Variants in ZNF717 observed in about 807,000 individuals in gnomAD.
The protein encoded by ZNF717 is zinc finger protein 717, also known as krueppel-like factor X17.
In ZNF717, 9 loss-of-function variants were observed where a neutral mutation model predicts 13.8. The ratio of observed to expected loss-of-function variants is 0.65; its 90% CI spans 0.39 to 1.14. ZNF717 has a LOEUF of 1.14. Among genes scored for constraint, ZNF717 ranks in the 50% most tolerant of loss-of-function variants. ZNF717 has a pLI of 0.01. For synonymous variants in ZNF717, 327 were observed against 364.1 expected (o/e 0.90, Z 1.16); for missense variants, 1,040 against 1,080.7 (o/e 0.96, Z 0.53).
intron 6 of ZNF717, among the ~76,000 whole-genome samples, chr3:75,700,252 G>A (rs1937662768): frequency 6.6e-6 from 1 of 152,310 alleles, no homozygotes; most frequent in East Asian, 1.9e-4. Context: ...AAATTAGCCG[G>A]GTGTGGTGGC....
chr3:75,758,622 C>G (rs1215621185), intron 2 of ZNF717, among the ~76,000 whole-genome samples: 1 of 152,266 alleles, frequency 6.6e-6, no homozygotes. Flanking sequence ...ATTGACACAG[C>G]AAACTTCAAT....
chr3:75,746,679 T>C (rs1411292813), intron 2 of ZNF717, among the ~76,000 whole-genome samples: 1 of 152,242 alleles, frequency 6.6e-6, no homozygotes, highest in Non-Finnish European at 1.5e-5. Flanking sequence ...ATAAATGACT[T>C]CTTTTGAGAA....
chr3:75,713,609 T>C (rs2106841782), intron 5 of ZNF717, among the ~76,000 whole-genome samples: 1 of 152,264 alleles, frequency 6.6e-6, no homozygotes, highest in Admixed American at 6.5e-5. Context: ...CCATATAACA[T>C]ATCCACATAA....
Position 75,785,447 on chromosome 3 carries a change from C to T in ZNF717, c.-66G>A, listed in dbSNP as rs998172326. ...CGTCTGCTCCCACAACTGGGGAACA[C>T]TGGTCCGGCCCCCCGGGATCCCCCG... On this transcript the variant is annotated 5_prime_UTR_variant, in exon 1 of 5. It adds an upstream start codon to the 5' untranslated region. Coordinates refer to ENST00000652011, the MANE Select transcript of ZNF717 (RefSeq NM_001290208.3). 6.6e-6 allele frequency: 1 copy of T among 151,414 alleles called. No homozygotes were observed. The highest frequency in any genetic ancestry group is 1.5e-5 in the Non-Finnish European group (1 of 68,442). 9.4% of individuals were successfully genotyped at this position (151,414 alleles called of 1,614,324 possible).
downstream of ZNF717, among the ~76,000 whole-genome samples, chr3:75,727,851 G>A (rs1422648118): frequency 6.6e-6 from 1 of 152,176 alleles, no homozygotes; most frequent in Non-Finnish European, 1.5e-5. Context: ...AATAAAAACT[G>A]GCTGGTTTTG....
intron 2 of ZNF717, among the ~76,000 whole-genome samples, chr3:75,757,427 G>A (rs1942588449): frequency 6.6e-6 from 1 of 152,238 alleles, no homozygotes; most frequent in South Asian, 2.1e-4. Context: ...AAGCCTGGAT[G>A]ACAGACTATC....
chr3:75,709,998 G>A (rs1217093023), exon 6 of ZNF717: 2 of 152,118 alleles, frequency 1.3e-5, no homozygotes, highest in African/African-American at 4.8e-5. Context: ...GAGCAACAAG[G>A]GAAATTTGAA....
intron 4 of ZNF717, 81 bp downstream of exon 4, chr3:75,741,195 G>A (rs1940379932): frequency 2.4e-6 from 2 of 819,878 alleles, no homozygotes; most frequent in Non-Finnish European, 4.1e-6. Context: ...AGGGAAAAAA[G>A]TGGTGAAAAC....
intron 2 of ZNF717, among the ~76,000 whole-genome samples, chr3:75,755,546 TAAAG>T (rs1942396175): frequency 6.6e-6 from 1 of 151,764 alleles, no homozygotes; most frequent in African/African-American, 2.4e-5. Flanking sequence ...ACAAGTGAAA[TAAAG>T]AATAATAATA....
chr3:75,755,299 T>C (rs989635142), intron 2 of ZNF717, among the ~76,000 whole-genome samples: 6 of 152,276 alleles, frequency 3.9e-5, no homozygotes, highest in African/African-American at 1.4e-4. Context: ...TAAAAACTTA[T>C]GTATTTATTC....
intron 2 of ZNF717, among the ~76,000 whole-genome samples, chr3:75,745,714 A>G (rs765474571): frequency 2.6e-5 from 4 of 151,886 alleles, no homozygotes; most frequent in African/African-American, 9.7e-5. Flanking sequence ...ATGTCATGAT[A>G]TATTTGTCTT....
At chr3:75,715,855 G>A (rs1285937935) in intron 5 of ZNF717, among the ~76,000 whole-genome samples, 1 of 152,094 alleles carries the variant, frequency 6.6e-6, no homozygotes, top group African/African-American at 2.4e-5. Context: ...AATTTTCCTT[G>A]ATGTAATTTT....
chr3:75,754,320 T>C (rs3887345), intron 2 of ZNF717, among the ~76,000 whole-genome samples: 99,281 of 146,920 alleles, frequency 0.68, 32,001 homozygotes, highest in African/African-American at 0.81. Flanking sequence ...CCTGGAATTA[T>C]GGGGAAAAAA....
intron 2 of ZNF717, among the ~76,000 whole-genome samples, chr3:75,767,272 C>CACACTCCTA (rs1298824919): frequency 2.6e-5 from 4 of 151,904 alleles, no homozygotes; most frequent in Admixed American, 6.6e-5. Flanking sequence ...CCACCCTGCA[C>CACACTCCTA]ACCACACCGC....
downstream of ZNF717, among the ~76,000 whole-genome samples, chr3:75,707,825 C>A (rs201705295): frequency 3.6e-3 from 474 of 133,288 alleles, 11 homozygotes; most frequent in Non-Finnish European, 1.8e-3. Context: ...CTCAGAGGGT[C>A]CTACACCCAC....
chr3:75,783,230 C>T lies in ZNF717; in HGVS notation c.57+76G>A, dbSNP rs1174719740. On this transcript the variant is annotated intron_variant, in intron 2 of 4. Transcript: ENST00000652011. ...CTGAGTTTTACTTATTTCCACTTTT[C>T]TTTTTTAATTCACAGACACCCATAA... The T allele has an allele frequency of 5.2e-6, 6 of 1,159,970 alleles. No individual in the cohort carries two copies. The African/African-American group carries it at 7.7e-5, about 15-fold the overall frequency. 71.9% of individuals were successfully genotyped at this position (1,159,970 alleles called of 1,614,324 possible).
chr3:75,697,145 C>G, intron 6 of ZNF717, among the ~76,000 whole-genome samples: 1 of 152,306 alleles, frequency 6.6e-6, no homozygotes, highest in Non-Finnish European at 1.5e-5. Flanking sequence ...ACTTTTACCA[C>G]TGTTATTCAA....
Position 75,761,374 on chromosome 3 carries a change from C to T in ZNF717, c.58-19638G>A, listed in dbSNP as rs183721746. Among the ~76,000 whole-genome samples, 1,416 of 152,286 alleles carry T rather than the reference C, an allele frequency of 9.3e-3. 11 individuals are homozygous for T. Among genetic ancestry groups the T allele is most frequent in the African/African-American group, 0.033 (1,372 of 41,506 alleles). On this transcript the variant is annotated intron_variant, in intron 2 of 4. Coordinates refer to ENST00000652011, the MANE Select transcript of ZNF717 (RefSeq NM_001290208.3). ...TCAAAGAATTAGTAATAGATGGAAA[C>T]TCCTCAGTAAATAAAGATCGTACAT...
chr3:75,731,799 A>G (rs2918499), downstream of ZNF717, among the ~76,000 whole-genome samples: 38,358 of 150,612 alleles, frequency 0.25, 1,791 homozygotes, highest in East Asian at 0.46. Context: ...AAAATCAACA[A>G]TCCTTTTTGG....
Sources: allele counts gnomAD v4.1 joint callset (sites outside exome capture counted in the v4.1 genomes callset), GRCh38; gene constraint gnomAD v4.1.1; transcripts MANE v1.5; gene names NCBI Gene and HGNC (gene_info 2026-07-23, HGNC 2026-07-21).